Variants in TENT2 observed in about 807,000 individuals in gnomAD.
TENT2 encodes the protein terminal nucleotidyltransferase 2.
In TENT2, 44 loss-of-function variants were observed where a neutral mutation model predicts 72.2. That is an observed-to-expected ratio of 0.61 (90% CI 0.48 to 0.78). The LOEUF is 0.78. Ranked by LOEUF, TENT2 falls within the 30% of genes least tolerant of loss-of-function variation. The probability of loss-of-function intolerance (pLI) is 0.00; values close to 1 mark genes in which losing one functional copy is unlikely to be tolerated. For synonymous variants in TENT2, 212 were observed against 192.5 expected (o/e 1.10, Z -0.84); for missense variants, 541 against 569.6 (o/e 0.95, Z 0.51).
chr5:79,650,580 A>G (rs1793065878), intron 10 of TENT2, among the ~76,000 whole-genome samples: 1 of 152,084 alleles, frequency 6.6e-6, no homozygotes, highest in African/African-American at 2.4e-5. Flanking sequence ...TGAGAGGGAT[A>G]ACAGATAATA....
rs538260056 is a variant in TENT2 at position 79,642,771 on chromosome 5, G to A, written c.673-61G>A. On this transcript the variant is annotated intron_variant, in intron 6 of 14. Coordinates refer to ENST00000453514, the MANE Select transcript of TENT2 (RefSeq NM_001114394.3). ...GTTTTCTTTTTGTTGAGATACTTTA[G>A]GAAAATGAAACATTAAACTTAGAAA... 8 of 1,354,196 alleles carry A rather than the reference G, an allele frequency of 5.9e-6. No homozygotes were observed. The East Asian group carries it at 1.2e-4, about 21-fold the overall frequency. 83.9% of individuals were successfully genotyped at this position (1,354,196 alleles called of 1,614,324 possible).
At chr5:79,668,542 A>T (rs1810354967) in intron 11 of TENT2, among the ~76,000 whole-genome samples, 1 of 152,208 alleles carries the variant, frequency 6.6e-6, no homozygotes, top group Non-Finnish European at 1.5e-5. Context: ...GGAATAATTA[A>T]GAATGAGATA....
chr5:79,664,032 C>G (rs1473702412), intron 11 of TENT2, among the ~76,000 whole-genome samples: 4 of 151,782 alleles, frequency 2.6e-5, no homozygotes, highest in African/African-American at 9.7e-5. Flanking sequence ...AATATAACAA[C>G]TATTTAGATG....
intron 3 of TENT2, among the ~76,000 whole-genome samples, chr5:79,622,444 T>C (rs1214208932): frequency 6.6e-6 from 1 of 152,254 alleles, no homozygotes; most frequent in Non-Finnish European, 1.5e-5. Flanking sequence ...ACTTACTCTT[T>C]AATGATTTTT....
intron 4 of TENT2, among the ~76,000 whole-genome samples, chr5:79,638,292 T>C (rs1561496663): frequency 6.6e-6 from 1 of 152,148 alleles, no homozygotes; most frequent in Non-Finnish European, 1.5e-5. Context: ...ACCTACTAGA[T>C]GCCAGGGACC....
chr5:79,621,111 A>T (rs1045423814), intron 3 of TENT2, among the ~76,000 whole-genome samples: 2 of 152,172 alleles, frequency 1.3e-5, no homozygotes, highest in Non-Finnish European at 2.9e-5. Flanking sequence ...GCTGTAAAAA[A>T]AAAAAATAAC....
intron 4 of TENT2, among the ~76,000 whole-genome samples, chr5:79,637,055 A>C (rs1661780783): frequency 6.6e-6 from 1 of 152,114 alleles, no homozygotes; most frequent in African/African-American, 2.4e-5. Flanking sequence ...TGGGCAAAAT[A>C]GTGAGAAACT....
At chr5:79,672,824 A>G (rs1446345123) in intron 12 of TENT2, among the ~76,000 whole-genome samples, 1 of 152,224 alleles carries the variant, frequency 6.6e-6, no homozygotes, top group African/African-American at 2.4e-5. Context: ...GTATATGCCT[A>G]GGAGTGGGAT....
intron 10 of TENT2, among the ~76,000 whole-genome samples, chr5:79,651,098 AAAT>A (rs1401572226): frequency 1.3e-5 from 2 of 152,094 alleles, no homozygotes; most frequent in African/African-American, 2.4e-5. Context: ...GACAGAAAAA[AAAT>A]ACATTTCCCA....
At chr5:79,654,163 G>A (rs571329658) in intron 10 of TENT2, among the ~76,000 whole-genome samples, 2 of 152,342 alleles carry the variant, frequency 1.3e-5, no homozygotes, top group South Asian at 2.1e-4. Flanking sequence ...CGGGCACGGT[G>A]GCTCACGCCT....
intron 13 of TENT2, chr5:79,681,525 C>T (rs1021993383): frequency 6.5e-6 from 1 of 153,078 alleles, no homozygotes; most frequent in Non-Finnish European, 1.5e-5. Context: ...CTTCCATTTT[C>T]TCCAGTATTG....
At chr5:79,623,127 A>C (rs1766499108) in intron 3 of TENT2, 125 bp from the exon 4 acceptor site, 2 of 658,990 alleles carry the variant, frequency 3.0e-6, no homozygotes, top group Non-Finnish European at 4.9e-6. Context: ...AAAGCTAATA[A>C]AGTGACCTTA....
chr5:79,674,103 G>A (rs1272430244), intron 12 of TENT2, among the ~76,000 whole-genome samples: 2 of 152,172 alleles, frequency 1.3e-5, no homozygotes, highest in Non-Finnish European at 2.9e-5. Context: ...AACAAACAAG[G>A]CCGGGCGTGG....
chr5:79,617,070 G>A (rs1760803573), intron 1 of TENT2, among the ~76,000 whole-genome samples: 1 of 151,246 alleles, frequency 6.6e-6, no homozygotes, highest in African/African-American at 2.4e-5. Flanking sequence ...ATCCCCAGAG[G>A]CAGCTACTTC....
At chr5:79,615,056 C>T (rs1420568627) in intron 1 of TENT2, 1 of 152,196 alleles carries the variant, frequency 6.6e-6, no homozygotes, top group Non-Finnish European at 1.5e-5. Context: ...GAGAGGCTGA[C>T]AGATCCTTTG....
intron 12 of TENT2, among the ~76,000 whole-genome samples, chr5:79,671,719 T>A (rs1813087371): frequency 6.6e-6 from 1 of 152,182 alleles, no homozygotes; most frequent in African/African-American, 2.4e-5. Context: ...AAAAGTTCTT[T>A]TTTCTGAAAG....
At chr5:79,670,193 TGG>T (rs1811836947) in intron 12 of TENT2, among the ~76,000 whole-genome samples, 1 of 148,086 alleles carries the variant, frequency 6.8e-6, no homozygotes, top group Admixed American at 6.8e-5. Context: ...CACTCCAGCC[TGG>T]GCAACAAGAG....
chr5:79,672,315 C>T (rs1813551717), intron 12 of TENT2, among the ~76,000 whole-genome samples: 1 of 152,176 alleles, frequency 6.6e-6, no homozygotes, highest in South Asian at 2.1e-4. Flanking sequence ...GCATTACAAA[C>T]AATCCAGTTA....
intron 10 of TENT2, 54 bp downstream of exon 10, chr5:79,649,244 T>A: frequency 1.3e-6 from 2 of 1,521,496 alleles, no homozygotes; most frequent in Non-Finnish European, 1.8e-6. Flanking sequence ...AGCTTTATTA[T>A]GGTGTCTTCT....
Sources: gnomAD v4.1 joint callset for allele counts (sites outside exome capture counted in the v4.1 genomes callset) on GRCh38, gnomAD v4.1.1 for gene constraint, MANE v1.5 for transcripts, NCBI Gene and HGNC (gene_info 2026-07-23, HGNC 2026-07-21) for gene names.